Variants in AFAP1 observed in about 807,000 individuals in gnomAD.
AFAP1 encodes the protein actin filament-associated protein 1.
AFAP1 carries 75 observed loss-of-function variants against 93.9 expected under a neutral mutation model. That is an observed-to-expected ratio of 0.80 (90% confidence interval 0.66 to 0.97). The LOEUF is 0.97. Ranked by LOEUF, AFAP1 falls within the 50% of genes least tolerant of loss-of-function variation. AFAP1 has a pLI of 0.00. For synonymous variants in AFAP1, 517 were observed against 430.7 expected, an observed-to-expected ratio of 1.20 and a Z score of -2.48; for missense variants, 1,201 against 1,050.8, an observed-to-expected ratio of 1.14 and a Z score of -1.98.
intron 6 of AFAP1, among the ~76,000 whole-genome samples, chr4:7,823,595 C>T (rs1460344542): frequency 6.6e-6 from 1 of 152,184 alleles, no homozygotes; most frequent in Non-Finnish European, 1.5e-5. Context: ...CCATCAGCTC[C>T]GACTTTCTAG....
At position 7,759,487 on chromosome 4, in the gene AFAP1, C is replaced by G. The variant is rs747197716; in HGVS notation, c.*4278G>C. 1 of 152,650 alleles carries G rather than the reference C, an allele frequency of 6.6e-6. No homozygotes were observed. Among genetic ancestry groups the G allele is most frequent in the Non-Finnish European group, 1.5e-5 (1 of 68,052 alleles). 9.5% of individuals were successfully genotyped at this position (152,650 alleles called of 1,614,324 possible). ...GCAGTGCTGTGCCACGTATTTACGG[C>G]AGGAACGTTTTGGTTTCATTTTAGT... On this transcript the variant is annotated 3_prime_UTR_variant, in exon 18 of 18. Coordinates refer to ENST00000420658, the MANE Select transcript of AFAP1 (RefSeq NM_001134647.2).
intron 1 of AFAP1, among the ~76,000 whole-genome samples, chr4:7,881,020 C>A (rs1717810658): frequency 6.6e-6 from 1 of 152,180 alleles, no homozygotes; most frequent in African/African-American, 2.4e-5. Context: ...AACACAGTTG[C>A]TGGTGGCCTT....
chr4:7,931,457 T>C (rs550146523), intron 1 of AFAP1, among the ~76,000 whole-genome samples: 39 of 152,210 alleles, frequency 2.6e-4, no homozygotes, highest in Middle Eastern at 3.4e-3. Context: ...TGTGGTGCAA[T>C]TGTAGCTTAC....
At chr4:7,829,561 AAC>A (rs1454028680) in intron 6 of AFAP1, among the ~76,000 whole-genome samples, 1 of 152,226 alleles carries the variant, frequency 6.6e-6, no homozygotes, top group Non-Finnish European at 1.5e-5. Context: ...AAAGGATATA[AAC>A]ACAGTTCACA....
intron 16 of AFAP1, chr4:7,772,147 A>AACAGGGGCTGAAG (rs1370629886): frequency 6.6e-6 from 1 of 152,196 alleles, no homozygotes; most frequent in Non-Finnish European, 1.5e-5. Context: ...TTTCGGCTGG[A>AACAGGGGCTGAAG]ACAGGGGCTG....
intron 6 of AFAP1, among the ~76,000 whole-genome samples, chr4:7,828,863 C>T (rs574836414): frequency 1.8e-4 from 28 of 152,282 alleles, no homozygotes; most frequent in African/African-American, 6.0e-4. Context: ...CTACCTATAC[C>T]GTCTGAAATG....
At chr4:7,823,870 G>T (rs1721192936) in intron 6 of AFAP1, among the ~76,000 whole-genome samples, 1 of 152,192 alleles carries the variant, frequency 6.6e-6, no homozygotes, top group African/African-American at 2.4e-5. Flanking sequence ...CCAGCAAGGG[G>T]GTGGCTCATG....
intron 1 of AFAP1, among the ~76,000 whole-genome samples, chr4:7,896,385 A>G (rs1019381821): frequency 6.6e-6 from 1 of 151,848 alleles, no homozygotes; most frequent in African/African-American, 2.4e-5. Flanking sequence ...TAAAGCAAGC[A>G]CCTCCAACGA....
chr4:7,778,346 C>T (rs1047789674), intron 14 of AFAP1: 6 of 272,194 alleles, frequency 2.2e-5, no homozygotes, highest in African/African-American at 4.6e-5. Context: ...CTATTCCAAC[C>T]GCACCAACCA....
At chr4:7,850,727 C>A (rs188588464) in intron 4 of AFAP1, among the ~76,000 whole-genome samples, 2 of 152,362 alleles carry the variant, frequency 1.3e-5, no homozygotes, top group Admixed American at 1.3e-4. Flanking sequence ...GCTCAGGTCC[C>A]CCAGCTGCTT....
chr4:7,849,945 G>C (rs1391610206), intron 4 of AFAP1, among the ~76,000 whole-genome samples: 1 of 152,152 alleles, frequency 6.6e-6, no homozygotes, highest in Non-Finnish European at 1.5e-5. Flanking sequence ...ATGTAAAAGG[G>C]GCTGGGGATG....
chr4:7,933,384 C>A (rs1560243726), intron 1 of AFAP1, among the ~76,000 whole-genome samples: 1 of 152,130 alleles, frequency 6.6e-6, no homozygotes, highest in South Asian at 2.1e-4. Flanking sequence ...ACCATCCTGG[C>A]CAACATGGTG....
chr4:7,896,004 G>T (rs1411169966), intron 1 of AFAP1, among the ~76,000 whole-genome samples: 2 of 151,914 alleles, frequency 1.3e-5, no homozygotes, highest in South Asian at 4.2e-4. Context: ...GGTATTACAG[G>T]CATGTGCCAC....
intron 1 of AFAP1, among the ~76,000 whole-genome samples, chr4:7,929,835 GC>G (rs1720965000): frequency 6.6e-6 from 1 of 152,188 alleles, no homozygotes; most frequent in Non-Finnish European, 1.5e-5. Context: ...AGCAGGAACA[GC>G]CCCTGCCCTG....
At position 7,758,806 on chromosome 4, in the gene AFAP1, A is replaced by C. The variant is rs1169357647; in HGVS notation, c.*4959T>G. 1.3e-5 allele frequency: 2 copies of C among 152,248 alleles called. No individual in the cohort carries two copies. Among genetic ancestry groups the C allele is most frequent in the African/African-American group, 4.8e-5 (2 of 41,460 alleles). The allele number at this position is 152,248 out of a possible 1,614,324, so 9.4% of individuals were successfully genotyped here. ...TGAAACAGTAGAAAATTCAACCAGG[A>C]AAGCAGGAAATTCAGTGAAGCTACT... On this transcript the variant is annotated 3_prime_UTR_variant, in exon 18 of 18. Coordinates refer to ENST00000420658, the MANE Select transcript of AFAP1 (RefSeq NM_001134647.2).
At chr4:7,906,285 A>G (rs1445467776) in intron 1 of AFAP1, among the ~76,000 whole-genome samples, 2 of 152,228 alleles carry the variant, frequency 1.3e-5, no homozygotes, top group African/African-American at 4.8e-5. Flanking sequence ...GGGCAACAGA[A>G]GATATGAAAG....
chr4:7,930,373 GTGGC>G (rs1720998515), intron 1 of AFAP1, among the ~76,000 whole-genome samples: 1 of 2,600 alleles, frequency 3.8e-4, no homozygotes, highest in African/African-American at 3.3e-3. Flanking sequence ...TTGGCCACCG[GTGGC>G]TAGCTCAATC....
At chr4:7,934,071 C>A (rs1721248716) in intron 1 of AFAP1, among the ~76,000 whole-genome samples, 1 of 152,146 alleles carries the variant, frequency 6.6e-6, no homozygotes, top group Non-Finnish European at 1.5e-5. Context: ...CAGGGCTGGC[C>A]ACACTCCATC....
In AFAP1 at chr4:7,761,318, T is replaced by C. The variant is rs1713760027; in HGVS notation, c.*2447A>G. Reference sequence around the variant, plus strand: ...AAAGGCTCCATGGACCACGATGGGGTTTGTTAACGTTTGCCTCCGCTTTAA... The same window carrying C: ...AAAGGCTCCATGGACCACGATGGGGCTTGTTAACGTTTGCCTCCGCTTTAA... On this transcript the variant is annotated 3_prime_UTR_variant, in exon 18 of 18. Transcript: ENST00000420658. 6.6e-6 allele frequency: 1 copy of C among 152,142 alleles called. No individual in the cohort carries two copies. The highest frequency in any genetic ancestry group is 2.1e-4 in the South Asian group (1 of 4,822). 9.4% of individuals were successfully genotyped at this position (152,142 alleles called of 1,614,324 possible).
Sources: allele counts gnomAD v4.1 joint callset (sites outside exome capture counted in the v4.1 genomes callset), GRCh38; gene constraint gnomAD v4.1.1; transcripts MANE v1.5; gene names NCBI Gene and HGNC (gene_info 2026-07-23, HGNC 2026-07-21).